The following IRAG1 variants were observed in gnomAD, a reference collection of about 807,000 sequenced individuals.
IRAG1 encodes the protein inositol 1,4,5-triphosphate receptor associated 1.
A neutral mutation model predicts 106.2 loss-of-function variants in IRAG1; 62 were observed. The ratio of observed to expected loss-of-function variants is 0.58; its 90% CI spans 0.48 to 0.72. The LOEUF (loss-of-function observed/expected upper bound fraction) is 0.72, where lower values mean the gene tolerates loss of function less well. Among genes scored for constraint, IRAG1 ranks in the 30% least tolerant of loss-of-function variants. IRAG1 has a pLI of 0.00. For missense variants in IRAG1, 1,064 were observed against 1,140.7 expected (o/e 0.93, Z 0.97); for synonymous variants, 462 against 443.9 (o/e 1.04, Z -0.51).
chr11:10,623,706 C>T, intron 10 of IRAG1, 72 bp downstream of exon 10: 1 of 1,384,500 alleles, frequency 7.2e-7, no homozygotes, highest in Non-Finnish European at 1.0e-6. Flanking sequence ...TGTGTTTACA[C>T]ATTCACCTTC....
At position 10,693,641 on chromosome 11, in the gene IRAG1, C is replaced by T. The variant is rs780957797; in HGVS notation, c.-39G>A. 1.8e-5 allele frequency: 27 copies of T among 1,533,496 alleles called. No individual in the cohort carries two copies. Among genetic ancestry groups the T allele is most frequent in the Middle Eastern group, 2.1e-4 (1 of 4,732 alleles). The allele number at this position is 1,533,496 out of a possible 1,614,324, so 95.0% of individuals were successfully genotyped here. On this transcript the variant is annotated 5_prime_UTR_variant, in exon 1 of 21. Coordinates refer to ENST00000423302, the MANE Select transcript of IRAG1 (RefSeq NM_130385.4). Reference sequence around the variant, plus strand: ...TACATCTGGCTCCGGAGCTCAGAGCCGAGAAGCCTCTGGCTGCAGAACCTC... The same window carrying T: ...TACATCTGGCTCCGGAGCTCAGAGCTGAGAAGCCTCTGGCTGCAGAACCTC...
chr11:10,631,629 C>A (rs1856696369), intron 4 of IRAG1, among the ~76,000 whole-genome samples: 1 of 152,218 alleles, frequency 6.6e-6, no homozygotes, highest in Admixed American at 6.5e-5. Flanking sequence ...TGGGGATGAG[C>A]AGATGACCAG....
At position 10,623,850 on chromosome 11, in the gene IRAG1, T is replaced by C; in HGVS notation, c.1375A>G (p.Ile459Val). The C allele has an allele frequency of 6.2e-7, 1 of 1,613,834 alleles. No homozygotes were observed. Among genetic ancestry groups the C allele is most frequent in the Non-Finnish European group, 8.5e-7 (1 of 1,179,694 alleles). The part of the protein sequence containing the change: ...QKLTKLREEH[I>V]LMRNQNLVGL... Reference sequence around the variant, plus strand: ...ACTAAGTTCTGATTTCTCATCAGGATGTGCTCCTTTGTGGTAAAAGAAAGA... The same window carrying C: ...ACTAAGTTCTGATTTCTCATCAGGACGTGCTCCTTTGTGGTAAAAGAAAGA... Residue 459 changes from isoleucine (I) to valine (V), a missense_variant, in exon 10 of 21, where the codon ATC becomes GTC. Ile to Val is a conservative substitution (Grantham distance 29, BLOSUM62 3). Transcript: ENST00000423302.
At chr11:10,610,042 C>T (rs77005316) in intron 10 of IRAG1, among the ~76,000 whole-genome samples, 191 bp from the exon 11 acceptor site, 6,682 of 152,258 alleles carry the variant, frequency 0.044, 319 homozygotes, top group African/African-American at 0.12. Flanking sequence ...TAAGCCAAGG[C>T]TCAGCAAGGT....
At chr11:10,590,832 A>C (rs79807692) in intron 18 of IRAG1, among the ~76,000 whole-genome samples, 7,494 of 152,284 alleles carry the variant, frequency 0.049, 375 homozygotes, top group African/African-American at 0.13. Flanking sequence ...CCTAACAGCA[A>C]CATGATTCTG....
chr11:10,621,770 TATTA>T (rs1316444257), intron 10 of IRAG1, among the ~76,000 whole-genome samples: 1 of 152,192 alleles, frequency 6.6e-6, no homozygotes, highest in African/African-American at 2.4e-5. Context: ...ATGGGAAGTT[TATTA>T]ATTAAGATTG....
chr11:10,673,057 C>T (rs1049509237), intron 1 of IRAG1, among the ~76,000 whole-genome samples: 4 of 152,016 alleles, frequency 2.6e-5, no homozygotes, highest in South Asian at 2.1e-4. Context: ...CTGAGACGGG[C>T]GAATCACTTG....
In IRAG1 at chr11:10,634,156, C is replaced by A. The variant is rs543473496; in HGVS notation, c.226-85G>T. On this transcript the variant is annotated intron_variant, in intron 2 of 20. Coordinates refer to ENST00000423302, the MANE Select transcript of IRAG1 (RefSeq NM_130385.4). ...GGAGCCAGAGCATTTATTCTCACAT[C>A]ATGATGCTCAGAGCCATCTTGATAA... 4 of 743,874 alleles carry A rather than the reference C, an allele frequency of 5.4e-6. No individual in the cohort carries two copies. The East Asian group carries it at 8.5e-5, about 16-fold the overall frequency. The allele number at this position is 743,874 out of a possible 1,614,324, so 46.1% of individuals were successfully genotyped here. A position where few individuals can be genotyped will look rare whatever the true frequency, so the allele number is the denominator to read the frequency against.
At chr11:10,622,283 C>T (rs1260763514) in intron 10 of IRAG1, among the ~76,000 whole-genome samples, 2 of 151,984 alleles carry the variant, frequency 1.3e-5, no homozygotes, top group African/African-American at 4.8e-5. Flanking sequence ...GATAGCCCAG[C>T]AGGAGGGAGA....
At chr11:10,678,011 G>GTCTGTCTATCTATCTATCTA (rs1491365322) in intron 1 of IRAG1, among the ~76,000 whole-genome samples, 2 of 142,056 alleles carry the variant, frequency 1.4e-5, no homozygotes, top group African/African-American at 4.9e-5. Flanking sequence ...CTCTCTATCT[G>GTCTGTCTATCTATCTATCTA]TCTATCTATC....
intron 18 of IRAG1, among the ~76,000 whole-genome samples, chr11:10,590,746 C>T (rs188140537): frequency 0.027 from 4,112 of 152,320 alleles, 77 homozygotes; most frequent in African/African-American, 0.057. Context: ...ATGAAAAGAT[C>T]TGCAAATTGC....
rs75793809 is a variant in IRAG1 at position 10,646,567 on chromosome 11, A to G, written c.225+5458T>C. ...GTGCTCCACAAGCAGATCCCTTCCT[A>G]TAAGGGCCACACAAACAAGACTGCT... On this transcript the variant is annotated intron_variant, in intron 2 of 20. Coordinates refer to ENST00000423302, the MANE Select transcript of IRAG1 (RefSeq NM_130385.4). 4.7e-3 allele frequency among the ~76,000 whole-genome samples: 713 copies of G among 152,238 alleles called. 5 individuals carry two copies. The highest frequency in any genetic ancestry group is 8.8e-3 in the Non-Finnish European group (598 of 68,014).
At chr11:10,691,803 C>T (rs1862078310) in intron 1 of IRAG1, among the ~76,000 whole-genome samples, 1 of 152,026 alleles carries the variant, frequency 6.6e-6, no homozygotes, top group Admixed American at 6.6e-5. Context: ...ACATGGGGTC[C>T]CAAGCAGACG....
At chr11:10,584,507 C>T (rs1168530749) in intron 18 of IRAG1, among the ~76,000 whole-genome samples, 1 of 143,632 alleles carries the variant, frequency 7.0e-6, no homozygotes, top group African/African-American at 2.5e-5. Context: ...AGGAGAAAAA[C>T]ATAGCTACAG....
intron 20 of IRAG1, 104 bp from the exon 21 acceptor site, chr11:10,576,679 A>G: frequency 6.9e-7 from 1 of 1,439,980 alleles, no homozygotes; most frequent in African/African-American, 1.4e-5. Flanking sequence ...TGTCTTGAGC[A>G]ATAGTTCTCA....
intron 14 of IRAG1, among the ~76,000 whole-genome samples, chr11:10,602,370 T>C (rs1483950231): frequency 1.3e-5 from 2 of 152,238 alleles, no homozygotes; most frequent in Non-Finnish European, 1.5e-5. Context: ...TGGCAGATAC[T>C]GTGACCATCC....
chr11:10,652,251 G>A (rs542756089), intron 1 of IRAG1, 69 bp from the exon 2 acceptor site: 53 of 1,586,670 alleles, frequency 3.3e-5, no homozygotes, highest in African/African-American at 1.2e-4. Context: ...TCCATTTCCC[G>A]GAGCCACAAG....
intron 1 of IRAG1, among the ~76,000 whole-genome samples, chr11:10,658,113 C>A (rs1325500638): frequency 6.6e-6 from 1 of 152,214 alleles, no homozygotes; most frequent in Non-Finnish European, 1.5e-5. Context: ...AGAGGATGCT[C>A]CCCACAGGAG....
intron 14 of IRAG1, among the ~76,000 whole-genome samples, chr11:10,602,177 C>A (rs1854086088): frequency 6.6e-6 from 1 of 152,204 alleles, no homozygotes; most frequent in Admixed American, 6.5e-5. Context: ...ATGTCCTTGT[C>A]CTGAAGGACA....
Sources: allele counts gnomAD v4.1 joint callset (sites outside exome capture counted in the v4.1 genomes callset), GRCh38; gene constraint gnomAD v4.1.1; transcripts MANE v1.5; gene names NCBI Gene and HGNC (gene_info 2026-07-23, HGNC 2026-07-21).